The following SRD5A2 variants were observed in gnomAD, a reference collection of about 807,000 sequenced individuals.
SRD5A2 encodes the protein steroid 5 alpha-reductase 2.
SRD5A2 carries 30 observed loss-of-function variants against 27.4 expected under a neutral mutation model. That is an observed-to-expected ratio of 1.10 (90% CI 0.82 to 1.49). SRD5A2 has a LOEUF of 1.49. Ranked by LOEUF, SRD5A2 falls within the 40% of genes most tolerant of loss-of-function variation. The pLI, the probability that SRD5A2 is intolerant of heterozygous loss-of-function variation, is 0.00. For missense variants in SRD5A2, 348 were observed against 323.4 expected, an observed-to-expected ratio of 1.08 and a Z score of -0.58; for synonymous variants, 141 against 133.6, an observed-to-expected ratio of 1.06 and a Z score of -0.38.
chr2:31,649,003 G>T, the SRD5A2 span, among the ~76,000 whole-genome samples: 8 of 152,238 alleles, frequency 5.3e-5, no homozygotes, highest in Non-Finnish European at 7.4e-5. Flanking sequence ...TCCCACTTCA[G>T]TCAGCTCCTG....
chr2:31,553,450 T>C (rs186859687), intron 1 of SRD5A2, among the ~76,000 whole-genome samples: 20 of 152,242 alleles, frequency 1.3e-4, no homozygotes, highest in Non-Finnish European at 2.6e-4. Flanking sequence ...ATAGGATGAA[T>C]ATAAAGAAAT....
the SRD5A2 span, among the ~76,000 whole-genome samples, chr2:31,642,354 C>G: frequency 2.0e-5 from 3 of 152,092 alleles, no homozygotes; most frequent in South Asian, 2.1e-4. Context: ...TTGACCAAGT[C>G]CTTGCATCTG....
chr2:31,550,280 G>A (rs1666357590), intron 1 of SRD5A2, among the ~76,000 whole-genome samples: 1 of 151,702 alleles, frequency 6.6e-6, no homozygotes, highest in Non-Finnish European at 1.5e-5. Flanking sequence ...TTGTCCAGAT[G>A]GCTTTACTGC....
intron 1 of SRD5A2, among the ~76,000 whole-genome samples, chr2:31,561,097 A>T (rs1666611997): frequency 6.6e-6 from 1 of 152,146 alleles, no homozygotes; most frequent in East Asian, 1.9e-4. Flanking sequence ...TTCCCTCCAC[A>T]TCTAATCCCT....
intron 1 of SRD5A2, among the ~76,000 whole-genome samples, chr2:31,551,152 T>C (rs1666374393): frequency 6.6e-6 from 1 of 151,990 alleles, no homozygotes. Context: ...TAACCAAACA[T>C]GTACAAGGGT....
At chr2:31,601,579 A>AT in the SRD5A2 span, among the ~76,000 whole-genome samples, 6 of 152,096 alleles carry the variant, frequency 3.9e-5, no homozygotes, top group African/African-American at 1.4e-4. Context: ...GGCCAACATC[A>AT]TTCTGATACT....
chr2:31,533,954 A>T (rs1665971681), intron 1 of SRD5A2, among the ~76,000 whole-genome samples, 188 bp from the exon 2 acceptor site: 2 of 152,242 alleles, frequency 1.3e-5, no homozygotes, highest in African/African-American at 4.8e-5. Context: ...ATACCTGAAA[A>T]GTACAACCAC....
the SRD5A2 span, among the ~76,000 whole-genome samples, chr2:31,634,014 T>C: frequency 6.6e-6 from 1 of 152,216 alleles, no homozygotes; most frequent in Admixed American, 6.5e-5. Flanking sequence ...CATCTATCGC[T>C]TGAGAGCACA....
Position 31,526,227 on chromosome 2 carries a change from G to T in SRD5A2, c.734C>A (p.Ser245Tyr), listed in dbSNP as rs145712014. ...YLKMFEDYPK[S>Y]RKALIPFIF ...GATGAATGGAATAAGGGCTTTCCGA[G>T]ATTTGGGGTAGTCCTCAAACATCTT... is the stretch of plus-strand genomic sequence containing the variant. The change falls in exon 5 of 5, where the codon TCT becomes TAT. Residue 245 changes from serine (S) to tyrosine (Y), a missense_variant. Coordinates refer to ENST00000622030, the MANE Select transcript of SRD5A2 (RefSeq NM_000348.4). 1.4e-4 allele frequency: 220 copies of T among 1,590,454 alleles called. No individual in the cohort carries two copies. In the African/African-American group the frequency reaches 2.0e-3, roughly 15 times the overall value.
chr2:31,583,632 A>AAAAAC (rs1667123482), upstream of SRD5A2, among the ~76,000 whole-genome samples: 1 of 22,142 alleles, frequency 4.5e-5, no homozygotes, highest in African/African-American at 1.4e-4. Flanking sequence ...AAAAAAACAA[A>AAAAAC]AAAAAAGCAA....
chr2:31,633,362 A>C, the SRD5A2 span, among the ~76,000 whole-genome samples: 1 of 152,178 alleles, frequency 6.6e-6, no homozygotes, highest in Non-Finnish European at 1.5e-5. Flanking sequence ...ATTATTATTT[A>C]CTGGACCAGG....
At chr2:31,528,641 C>T (rs904884146) in intron 4 of SRD5A2, among the ~76,000 whole-genome samples, 2 of 152,076 alleles carry the variant, frequency 1.3e-5, no homozygotes, top group Admixed American at 1.3e-4. Context: ...GGTGGTGGGC[C>T]TGTAGTCTCA....
At chr2:31,638,743 CT>C in the SRD5A2 span, among the ~76,000 whole-genome samples, 616 of 149,880 alleles carry the variant, frequency 4.1e-3, 4 homozygotes, top group Non-Finnish European at 5.4e-3. Flanking sequence ...TATTTCTTCT[CT>C]TTTTTTTTCA....
rs938699371 is a variant in SRD5A2, at chr2:31,580,862, G to A, written c.39C>T (p.Gly13=). ...VQCQQSPVLA[G]SATLVALGAL... is the part of the protein sequence containing the mutation. ...CCCCAAGGGCGACCAAAGTGGCGCT[G>A]CCTGCCAGCACTGGGCTCTGCTGGC... Residue 13 remains glycine, a synonymous_variant, in exon 1 of 5, where the codon GGC becomes GGT. Coordinates refer to ENST00000622030, the MANE Select transcript of SRD5A2 (RefSeq NM_000348.4). 1.2e-6 allele frequency: 2 copies of A among 1,610,946 alleles called. No homozygotes were observed.
chr2:31,639,933 C>G, the SRD5A2 span, among the ~76,000 whole-genome samples: 3 of 151,948 alleles, frequency 2.0e-5, no homozygotes, highest in South Asian at 6.2e-4. Flanking sequence ...AAGCTTTCTT[C>G]CCCTTGCTCT....
Position 31,524,202 on chromosome 2 carries a change from T to C in SRD5A2, c.*1994A>G, listed in dbSNP as rs1665724279. On this transcript the variant is annotated 3_prime_UTR_variant, in exon 5 of 5. Transcript: ENST00000622030. ...AAATAAAGGACTTAAGCAAGGTAGT[T>C]TTCAATGTCATGGAGAGAACTGGAA... The C allele has an allele frequency of 4.4e-6, 1 of 225,226 alleles. No individual in the cohort carries two copies. The highest frequency in any genetic ancestry group is 8.8e-6 in the Non-Finnish European group (1 of 113,088). The allele number at this position is 225,226 out of a possible 1,614,324, so 14.0% of individuals were successfully genotyped here.
chr2:31,563,109 GC>G (rs1666659255), intron 1 of SRD5A2: 1 of 152,066 alleles, frequency 6.6e-6, no homozygotes, highest in African/African-American at 2.4e-5. Flanking sequence ...GCTACATGGA[GC>G]CACAGGACTC....
chr2:31,612,107 G>A, the SRD5A2 span, among the ~76,000 whole-genome samples: 9 of 151,774 alleles, frequency 5.9e-5, no homozygotes, highest in Non-Finnish European at 1.2e-4. Flanking sequence ...GTGAAACTCT[G>A]ACTCTACTAA....
chr2:31,563,723 A>G (rs796092480), intron 1 of SRD5A2, among the ~76,000 whole-genome samples: 29 of 152,292 alleles, frequency 1.9e-4, no homozygotes, highest in African/African-American at 6.5e-4. Context: ...TGAGGAAAGA[A>G]TCACCCAAAA....
Sources: allele counts gnomAD v4.1 joint callset (sites outside exome capture counted in the v4.1 genomes callset), GRCh38; gene constraint gnomAD v4.1.1; transcripts MANE v1.5; gene names NCBI Gene and HGNC (gene_info 2026-07-23, HGNC 2026-07-21).